The following SDK1 variants were observed in gnomAD, a reference collection of about 807,000 sequenced individuals.
SDK1 encodes sidekick cell adhesion molecule 1.
Under a neutral mutation model 245.5 loss-of-function variants are expected in SDK1, and 157 were observed. The observed-to-expected ratio is 0.64, with a 90% confidence interval of 0.56 to 0.73. The LOEUF (loss-of-function observed/expected upper bound fraction) is 0.73, where lower values mean the gene tolerates loss of function less well. Ranked by LOEUF, SDK1 falls within the 30% of genes least tolerant of loss-of-function variation. SDK1 has a pLI of 0.00. For synonymous variants in SDK1, 1,647 were observed against 1,278.5 expected (o/e 1.29, Z -6.15); for missense variants, 3,583 against 3,002.3 (o/e 1.19, Z -4.52).
chr7:3,385,901 T>G (rs990163744), intron 1 of SDK1, among the ~76,000 whole-genome samples: 5 of 152,284 alleles, frequency 3.3e-5, no homozygotes, highest in African/African-American at 1.2e-4. Flanking sequence ...ATGTATAGGT[T>G]AGTTAGTAGT....
chr7:3,757,749 T>C (rs73672164), intron 4 of SDK1, among the ~76,000 whole-genome samples: 3,945 of 152,124 alleles, frequency 0.026, 166 homozygotes, highest in African/African-American at 0.092. Context: ...TCATGGAAGG[T>C]TCATTATAGA....
chr7:4,158,911 G>C lies in SDK1; in HGVS notation c.4729+360G>C, dbSNP rs189596600. On this transcript the variant is annotated intron_variant, in intron 31 of 44. Transcript: ENST00000404826. Reference sequence around the variant, plus strand: ...ATTCACGAGCCACTCTTTGACAACAGCGCAGGTAAGTGATGGGAAGCGAGG... The same window carrying C: ...ATTCACGAGCCACTCTTTGACAACACCGCAGGTAAGTGATGGGAAGCGAGG... 5.3e-5 allele frequency among the ~76,000 whole-genome samples: 8 copies of C among 152,334 alleles called. No individual in the cohort carries two copies. In the East Asian group the frequency reaches 1.5e-3, roughly 29 times the overall value.
At chr7:4,175,923 G>T (rs758238768) in intron 34 of SDK1, 89 bp downstream of exon 34, 1 of 1,141,534 alleles carries the variant, frequency 8.8e-7, no homozygotes, top group Non-Finnish European at 1.3e-6. Flanking sequence ...GGGAAAACCA[G>T]CCTGGATTAA....
At chr7:3,728,418 G>A (rs1779078190) in intron 4 of SDK1, among the ~76,000 whole-genome samples, 1 of 152,164 alleles carries the variant, frequency 6.6e-6, no homozygotes, top group Non-Finnish European at 1.5e-5. Flanking sequence ...AGGAAGGCGG[G>A]ATGTGCTCAC....
intron 5 of SDK1, among the ~76,000 whole-genome samples, chr7:3,831,907 C>A (rs906561268): frequency 6.6e-6 from 1 of 151,936 alleles, no homozygotes. Flanking sequence ...AAAAACGTGC[C>A]AGGTGTGGTA....
chr7:4,266,753 G>C lies in SDK1; in HGVS notation c.*1369G>C, dbSNP rs1406509698. On this transcript the variant is annotated 3_prime_UTR_variant, in exon 45 of 45. Transcript: ENST00000404826. ...CCCCTCAGCCCGGGTCCCGGGTCTG[G>C]ATGGAACGGGAGCACTGCTGGTGCC... 1.0e-6 allele frequency: 1 copy of C among 985,368 alleles called. No individual in the cohort carries two copies. Among genetic ancestry groups the C allele is most frequent in the Non-Finnish European group, 1.2e-6 (1 of 829,962 alleles). The allele number at this position is 985,368 out of a possible 1,614,324, so 61.0% of individuals were successfully genotyped here. A position where few individuals can be genotyped will look rare whatever the true frequency, so the allele number is the denominator to read the frequency against.
At chr7:3,983,180 G>A (rs1031266599) in intron 13 of SDK1, among the ~76,000 whole-genome samples, 4 of 152,192 alleles carry the variant, frequency 2.6e-5, no homozygotes, top group Non-Finnish European at 5.9e-5. Flanking sequence ...TTAGAATATT[G>A]CATGAACTTA....
Position 3,951,867 on chromosome 7 carries a change from T to A in SDK1, c.1097T>A (p.Leu366Gln). ...GGGCCATACGTCTGCGAGGCGGCGC[T>A]GCCGGGGAGCGCTTTTGAACCGGCC... Reference protein sequence around the residue: ...DTGPYVCEAALPGSAFEPARA... With the variant: ...DTGPYVCEAAQPGSAFEPARA... The change falls in exon 7 of 45, where the codon CTG (leucine) becomes CAG (glutamine). Residue 366 changes from leucine to glutamine, a missense_variant. Transcript: ENST00000404826. The A allele has an allele frequency of 6.2e-7, 1 of 1,613,748 alleles. No individual in the cohort carries two copies. Among genetic ancestry groups the A allele is most frequent in the South Asian group, 1.1e-5 (1 of 91,078 alleles).
chr7:3,566,261 G>T (rs1421543911), intron 1 of SDK1, among the ~76,000 whole-genome samples: 1 of 129,034 alleles, frequency 7.7e-6, no homozygotes, highest in African/African-American at 3.0e-5. Context: ...GTCTCGCTCT[G>T]TCGCCCAGGC....
At chr7:3,446,932 AC>A (rs1780359332) in intron 1 of SDK1, among the ~76,000 whole-genome samples, 1 of 152,148 alleles carries the variant, frequency 6.6e-6, no homozygotes, top group South Asian at 2.1e-4. Flanking sequence ...TGGTAGAACA[AC>A]AGTCAAGAAA....
intron 4 of SDK1, among the ~76,000 whole-genome samples, chr7:3,738,931 T>C (rs1779397536): frequency 6.6e-6 from 1 of 152,090 alleles, no homozygotes; most frequent in South Asian, 2.1e-4. Context: ...GAATCTTTAG[T>C]GTGTTCTATG....
rs767019031 is a variant in SDK1, at chr7:4,158,510, A to C, written c.4688A>C (p.Asp1563Ala). 1 of 1,613,892 alleles carries C rather than the reference A, an allele frequency of 6.2e-7. No individual in the cohort carries two copies. Among genetic ancestry groups the C allele is most frequent in the East Asian group, 2.2e-5 (1 of 44,868 alleles). ...LKATNDIGDS[D>A]FSSETEAVTT... ...GCCACCAACGACATTGGGGACAGTG[A>C]CTTCAGTTCAGAGACAGAGGCGGTG... The change falls in exon 31 of 45, where the codon GAC becomes GCC. Residue 1563 changes from aspartate to alanine, a missense_variant. Physicochemically the swap from Asp to Ala is moderately radical, Grantham distance 126 (BLOSUM62 -2). Transcript: ENST00000404826.
chr7:3,471,430 A>G (rs1038381613), intron 1 of SDK1, among the ~76,000 whole-genome samples: 1 of 152,156 alleles, frequency 6.6e-6, no homozygotes, highest in African/African-American at 2.4e-5. Flanking sequence ...GATATTGTAA[A>G]TTGGGTTATT....
At chr7:3,682,995 A>C (rs748357370) in intron 4 of SDK1, among the ~76,000 whole-genome samples, 54 of 152,106 alleles carry the variant, frequency 3.6e-4, no homozygotes, top group Non-Finnish European at 3.8e-4. Context: ...CAGCCTCCCA[A>C]AGTGTTGTGA....
At chr7:3,895,667 G>C (rs1781585869) in intron 5 of SDK1, among the ~76,000 whole-genome samples, 1 of 152,090 alleles carries the variant, frequency 6.6e-6, no homozygotes, top group Non-Finnish European at 1.5e-5. Flanking sequence ...GTTGCGTAAA[G>C]TGGATACTTA....
chr7:4,010,277 T>G (rs953620703), intron 14 of SDK1, among the ~76,000 whole-genome samples: 1 of 152,208 alleles, frequency 6.6e-6, no homozygotes, highest in Admixed American at 6.5e-5. Context: ...CTGTTTAAAC[T>G]CTGCAAAAAA....
chr7:3,973,168 G>A (rs908320275), intron 12 of SDK1, among the ~76,000 whole-genome samples: 3 of 152,116 alleles, frequency 2.0e-5, no homozygotes, highest in East Asian at 1.9e-4. Flanking sequence ...CCTGAGGAGC[G>A]CCAGGCTGTA....
chr7:3,787,283 T>C (rs1363174835), intron 4 of SDK1, among the ~76,000 whole-genome samples: 1 of 152,052 alleles, frequency 6.6e-6, no homozygotes, highest in African/African-American at 2.4e-5. Flanking sequence ...ATAATTATAA[T>C]TGACAAAATT....
At chr7:3,353,947 C>T (rs1436972160) in intron 1 of SDK1, among the ~76,000 whole-genome samples, 1 of 151,802 alleles carries the variant, frequency 6.6e-6, no homozygotes, top group Non-Finnish European at 1.5e-5. Flanking sequence ...GAACACATTT[C>T]ATGTTGCAAC....
Sources: allele counts gnomAD v4.1 joint callset (sites outside exome capture counted in the v4.1 genomes callset), GRCh38; gene constraint gnomAD v4.1.1; transcripts MANE v1.5; gene names NCBI Gene and HGNC (gene_info 2026-07-23, HGNC 2026-07-21).